FBXL7: variants seen among roughly 807,000 people sequenced by gnomAD.
The protein encoded by FBXL7 is F-box/LRR-repeat protein 7.
FBXL7 carries 12 observed loss-of-function variants against 38.3 expected under a neutral mutation model. The ratio of observed to expected loss-of-function variants is 0.31; its 90% CI spans 0.20 to 0.51. The LOEUF (loss-of-function observed/expected upper bound fraction) is 0.51. Among genes scored for constraint, FBXL7 ranks in the 20% least tolerant of loss-of-function variants. FBXL7 has a pLI of 0.98. For missense variants in FBXL7, 567 were observed against 676.4 expected (o/e 0.84, Z 1.79); for synonymous variants, 297 against 300.9 (o/e 0.99, Z 0.13).
intron 1 of FBXL7, among the ~76,000 whole-genome samples, chr5:15,565,579 T>A (rs1738544919): frequency 6.6e-6 from 1 of 151,650 alleles, no homozygotes; most frequent in Non-Finnish European, 1.5e-5. Flanking sequence ...CTTCTTACAA[T>A]AAATCTTGCT....
At chr5:15,875,116 T>C (rs546594629) in intron 2 of FBXL7, among the ~76,000 whole-genome samples, 3 of 152,158 alleles carry the variant, frequency 2.0e-5, no homozygotes, top group Non-Finnish European at 4.4e-5. Flanking sequence ...GTCACACATC[T>C]ACACACATCT....
intron 2 of FBXL7, among the ~76,000 whole-genome samples, chr5:15,792,819 T>G (rs1344985062): frequency 6.6e-6 from 1 of 152,178 alleles, no homozygotes; most frequent in Non-Finnish European, 1.5e-5. Context: ...CACAGTAGCA[T>G]AGACCAAGTG....
At chr5:15,789,219 G>GTT (rs1737211140) in intron 2 of FBXL7, among the ~76,000 whole-genome samples, 1 of 151,534 alleles carries the variant, frequency 6.6e-6, no homozygotes, top group African/African-American at 2.4e-5. Flanking sequence ...TTTTTTTGTT[G>GTT]TTGTTAGCAG....
At chr5:15,678,276 C>G (rs965015978) in intron 2 of FBXL7, among the ~76,000 whole-genome samples, 1 of 152,160 alleles carries the variant, frequency 6.6e-6, no homozygotes, top group East Asian at 1.9e-4. Context: ...TCCTCTTGAG[C>G]TGACAGGGTG....
chr5:15,559,189 T>C (rs1738339424), intron 1 of FBXL7, among the ~76,000 whole-genome samples: 1 of 152,210 alleles, frequency 6.6e-6, no homozygotes, highest in African/African-American at 2.4e-5. Flanking sequence ...AAGCATTTTC[T>C]AGAGACTGTC....
intron 2 of FBXL7, among the ~76,000 whole-genome samples, chr5:15,697,864 T>C (rs916995932): frequency 6.6e-6 from 1 of 152,216 alleles, no homozygotes; most frequent in Non-Finnish European, 1.5e-5. Context: ...CCAACCAGTA[T>C]CCTAGAGCTA....
intron 1 of FBXL7, among the ~76,000 whole-genome samples, chr5:15,522,587 T>G (rs1366543691): frequency 6.6e-6 from 1 of 152,164 alleles, no homozygotes; most frequent in African/African-American, 2.4e-5. Flanking sequence ...CTGCCCCAGG[T>G]CTCTGTGTAA....
At chr5:15,541,443 G>GTGTGTGTATATATATA (rs1264820921) in intron 1 of FBXL7, among the ~76,000 whole-genome samples, 2 of 38,426 alleles carry the variant, frequency 5.2e-5, no homozygotes, top group African/African-American at 1.9e-4. Flanking sequence ...GTGTGTGTGT[G>GTGTGTGTATATATATA]TATATATATA....
chr5:15,614,005 G>A (rs1231182010), intron 1 of FBXL7, among the ~76,000 whole-genome samples: 1 of 152,086 alleles, frequency 6.6e-6, no homozygotes, highest in Non-Finnish European at 1.5e-5. Flanking sequence ...AGGGCACTAA[G>A]CAGAGTCCTC....
intron 1 of FBXL7, among the ~76,000 whole-genome samples, chr5:15,569,433 T>G (rs549392438): frequency 6.7e-4 from 101 of 151,482 alleles, no homozygotes; most frequent in African/African-American, 2.3e-3. Context: ...TTTTTGCACA[T>G]TGATTTTGTA....
At chr5:15,610,363 C>T (rs982693851) in intron 1 of FBXL7, among the ~76,000 whole-genome samples, 17 of 152,298 alleles carry the variant, frequency 1.1e-4, no homozygotes, top group Admixed American at 9.8e-4. Context: ...TTCCTGTGCT[C>T]TTCACACCAC....
At chr5:15,823,297 A>T (rs1738222220) in intron 2 of FBXL7, among the ~76,000 whole-genome samples, 1 of 152,320 alleles carries the variant, frequency 6.6e-6, no homozygotes, top group Admixed American at 6.5e-5. Context: ...TTCTTTAATC[A>T]TTCCCATACT....
At chr5:15,731,124 G>A (rs1276363529) in intron 2 of FBXL7, among the ~76,000 whole-genome samples, 1 of 152,144 alleles carries the variant, frequency 6.6e-6, no homozygotes, top group Non-Finnish European at 1.5e-5. Flanking sequence ...AGGGAAAATG[G>A]ATGATTGGAA....
chr5:15,875,406 A>T (rs868509838), intron 2 of FBXL7, among the ~76,000 whole-genome samples: 1 of 152,356 alleles, frequency 6.6e-6, no homozygotes, highest in African/African-American at 2.4e-5. Context: ...GACAAATAGG[A>T]TCTAATTAAA....
At chr5:15,668,283 C>T (rs776127950) in intron 2 of FBXL7, among the ~76,000 whole-genome samples, 2 of 152,062 alleles carry the variant, frequency 1.3e-5, no homozygotes, top group Non-Finnish European at 2.9e-5. Context: ...CTATACTGAC[C>T]AGCTTCTACG....
In FBXL7 at chr5:15,795,784, C is replaced by T. The variant is rs1316377404; in HGVS notation, c.128-132106C>T. Among the ~76,000 whole-genome samples the T allele has an allele frequency of 3.9e-5, 6 of 152,120 alleles. No homozygotes were observed. In the East Asian group the frequency reaches 7.7e-4, roughly 20 times the overall value. On this transcript the variant is annotated intron_variant, in intron 2 of 3. Transcript: ENST00000504595. ...ATTTCAATTTGGAAGGAAATAAGCA[C>T]ACACCTTACATATGTTTGCCTATTC...
intron 2 of FBXL7, among the ~76,000 whole-genome samples, chr5:15,706,976 A>C (rs1385239802): frequency 6.6e-6 from 1 of 152,080 alleles, no homozygotes; most frequent in Non-Finnish European, 1.5e-5. Flanking sequence ...GAAAGTCTCC[A>C]GTATGTTGAT....
chr5:15,609,887 G>A (rs572363751), intron 1 of FBXL7, among the ~76,000 whole-genome samples: 2 of 152,296 alleles, frequency 1.3e-5, no homozygotes, highest in East Asian at 3.9e-4. Flanking sequence ...GTCTGTTTTT[G>A]CGCTGCTGAT....
At chr5:15,740,690 T>G (rs2126674561) in intron 2 of FBXL7, among the ~76,000 whole-genome samples, 1 of 152,262 alleles carries the variant, frequency 6.6e-6, no homozygotes, top group East Asian at 1.9e-4. Context: ...CTTACCTTTT[T>G]TAAAAAATGG....
Sources: allele counts gnomAD v4.1 joint callset (sites outside exome capture counted in the v4.1 genomes callset), GRCh38; gene constraint gnomAD v4.1.1; transcripts MANE v1.5; gene names NCBI Gene and HGNC (gene_info 2026-07-23, HGNC 2026-07-21).